TSNARE1: variants seen among roughly 807,000 people sequenced by gnomAD.
The protein encoded by TSNARE1 is t-SNARE domain containing 1, also known as t-SNARE domain-containing protein 1.
Under a neutral mutation model 62.0 loss-of-function variants are expected in TSNARE1, and 49 were observed. The observed-to-expected ratio is 0.79, with a 90% CI of 0.63 to 1.00. The LOEUF is 1.00. Ranked by LOEUF, TSNARE1 falls within the 50% of genes least tolerant of loss-of-function variation. The pLI is 0.00. For missense variants in TSNARE1, 755 were observed against 700.1 expected (o/e 1.08, Z -0.88); for synonymous variants, 328 against 294.4 (o/e 1.11, Z -1.17).
At chr8:142,238,153 G>T (rs1337098604) in intron 12 of TSNARE1, among the ~76,000 whole-genome samples, 4 of 152,028 alleles carry the variant, frequency 2.6e-5, no homozygotes, top group African/African-American at 9.7e-5. Flanking sequence ...TTTCTGGGGA[G>T]AAGGAGTGCC....
chr8:142,325,736 G>A (rs888794695), intron 6 of TSNARE1, among the ~76,000 whole-genome samples: 3 of 152,210 alleles, frequency 2.0e-5, no homozygotes, highest in South Asian at 2.1e-4. Context: ...TGCGGGATAT[G>A]CAACACCACC....
chr8:142,369,083 G>A (rs975670694), intron 1 of TSNARE1, among the ~76,000 whole-genome samples: 2 of 152,188 alleles, frequency 1.3e-5, no homozygotes, highest in African/African-American at 2.4e-5. Flanking sequence ...ACCGCCACCC[G>A]GCTGCCAGGC....
chr8:142,273,406 C>T, intron 12 of TSNARE1: 1 of 985,460 alleles, frequency 1.0e-6, no homozygotes, highest in African/African-American at 1.7e-5. Context: ...CACCTTCTGC[C>T]TCCTGGAGGC....
At chr8:142,390,807 C>A (rs1374332305) in intron 1 of TSNARE1, among the ~76,000 whole-genome samples, 1 of 71,386 alleles carries the variant, frequency 1.4e-5, no homozygotes, top group Non-Finnish European at 2.6e-5. Flanking sequence ...CCGTAACAGA[C>A]GCTGTACACT....
intron 1 of TSNARE1, among the ~76,000 whole-genome samples, chr8:142,398,430 C>G (rs1233192500): frequency 1.3e-5 from 2 of 152,040 alleles, no homozygotes; most frequent in Non-Finnish European, 2.9e-5. Flanking sequence ...AGCACATCCC[C>G]AGCCCTGCCA....
At chr8:142,277,257 C>G in intron 11 of TSNARE1, 9 of 985,416 alleles carry the variant, frequency 9.1e-6, no homozygotes, top group Non-Finnish European at 1.1e-5. Flanking sequence ...TACCCAAGCA[C>G]TAGGCCAGAG....
At chr8:142,254,797 G>T (rs956304146) in intron 12 of TSNARE1, among the ~76,000 whole-genome samples, 72 of 152,330 alleles carry the variant, frequency 4.7e-4, no homozygotes, top group African/African-American at 1.6e-3. Flanking sequence ...AGACAGTGCT[G>T]CAGGCGGCTG....
Position 142,300,802 on chromosome 8 carries a change from G to A in TSNARE1, c.1132-158C>T, listed in dbSNP as rs373250861. Among the ~76,000 whole-genome samples, 14 of 152,276 alleles carry A rather than the reference G, an allele frequency of 9.2e-5. No homozygotes were observed. In the South Asian group the frequency reaches 2.7e-3, roughly 29 times the overall value. On this transcript the variant is annotated intron_variant, in intron 9 of 13. Coordinates refer to ENST00000524325, the MANE Select transcript of TSNARE1 (RefSeq NM_145003.5). The stretch of plus-strand genomic sequence containing the variant: ...TGAGGCGGGGGCCTTCTGCGGCCAC[G>A]AGCCTGTCACTGGGCATCAATCTGG...
chr8:142,265,358 C>G (rs1309922709), intron 12 of TSNARE1, among the ~76,000 whole-genome samples: 3 of 152,294 alleles, frequency 2.0e-5, no homozygotes, highest in East Asian at 3.9e-4. Context: ...CAAAGCATGG[C>G]CTTTTCGAGA....
At chr8:142,250,113 G>A (rs1448301931) in intron 12 of TSNARE1, among the ~76,000 whole-genome samples, 2 of 152,170 alleles carry the variant, frequency 1.3e-5, no homozygotes, top group African/African-American at 4.8e-5. Context: ...CAGGCCGGCA[G>A]CGCAGCAGTG....
At chr8:142,358,999 C>G (rs570817239) in intron 1 of TSNARE1, among the ~76,000 whole-genome samples, 32 of 152,244 alleles carry the variant, frequency 2.1e-4, no homozygotes, top group African/African-American at 7.2e-4. Flanking sequence ...CTGCCCCAGC[C>G]TCAGCTCTTG....
At chr8:142,224,943 G>A (rs1444961625) in intron 13 of TSNARE1, among the ~76,000 whole-genome samples, 4 of 152,104 alleles carry the variant, frequency 2.6e-5, no homozygotes. Context: ...GAGTGAAGGC[G>A]GGGCCAGCAA....
chr8:142,381,468 G>GC (rs542900493), intron 1 of TSNARE1, among the ~76,000 whole-genome samples: 44,000 of 150,644 alleles, frequency 0.29, 6,895 homozygotes, highest in African/African-American at 0.41. Flanking sequence ...ACCTATCAGC[G>GC]CCCCCCCCCA....
At chr8:142,401,731 T>C (rs959743499) in intron 1 of TSNARE1, among the ~76,000 whole-genome samples, 11 of 152,230 alleles carry the variant, frequency 7.2e-5, no homozygotes, top group African/African-American at 2.6e-4. Flanking sequence ...CAGCCAAAAC[T>C]CAACCTCCTC....
intron 11 of TSNARE1, chr8:142,275,312 C>T: frequency 1.0e-6 from 1 of 985,442 alleles, no homozygotes; most frequent in Non-Finnish European, 1.2e-6. Context: ...TCTGCAAGCA[C>T]AGGGCTCTGG....
At position 142,275,231 on chromosome 8, in the gene TSNARE1, G is replaced by A. The variant is rs115303074; in HGVS notation, c.1364-368C>T. The A allele has an allele frequency of 2.0e-3, 1,959 of 985,384 alleles. 26 individuals carry two copies. In the African/African-American group the frequency reaches 0.031, roughly 16 times the overall value. 61.0% of individuals were successfully genotyped at this position (985,384 alleles called of 1,614,324 possible). ...GCCAGCCCCTCCACTCTGTGGCCAC[G>A]GCCCCCTCTGAAGGGGCAAAGCCCC... On this transcript the variant is annotated intron_variant, in intron 11 of 13. Transcript: ENST00000524325.
intron 8 of TSNARE1, 46 bp downstream of exon 8, chr8:142,314,957 A>G: frequency 6.3e-7 from 1 of 1,593,236 alleles, no homozygotes; most frequent in Non-Finnish European, 8.6e-7. Flanking sequence ...ACCGAGGCCG[A>G]CCCCACCTGG....
intron 9 of TSNARE1, among the ~76,000 whole-genome samples, chr8:142,305,759 G>A (rs1300671760): frequency 6.6e-6 from 1 of 152,216 alleles, no homozygotes; most frequent in Non-Finnish European, 1.5e-5. Context: ...GCGCAGAGGG[G>A]ACGGCCCTGT....
chr8:142,261,074 G>GAAA (rs1563786879), intron 12 of TSNARE1, among the ~76,000 whole-genome samples: 8 of 4,858 alleles, frequency 1.6e-3, no homozygotes, highest in East Asian at 6.9e-3. Flanking sequence ...GGAGGGAGGA[G>GAAA]AGAGGAAAGG....
Sources: gnomAD v4.1 joint callset for allele counts (sites outside exome capture counted in the v4.1 genomes callset) on GRCh38, gnomAD v4.1.1 for gene constraint, MANE v1.5 for transcripts, NCBI Gene and HGNC (gene_info 2026-07-23, HGNC 2026-07-21) for gene names.